The following RAB37 variants were observed in gnomAD, a reference collection of about 807,000 sequenced individuals.
The protein encoded by RAB37 is RAB37, member RAS oncogene family.
RAB37 carries 29 observed loss-of-function variants against 33.1 expected under a neutral mutation model. The ratio of observed to expected loss-of-function variants is 0.88; its 90% confidence interval spans 0.65 to 1.20. RAB37 has a LOEUF of 1.20. Among genes scored for constraint, RAB37 ranks in the 50% most tolerant of loss-of-function variants. The pLI, the probability that RAB37 is intolerant of heterozygous loss-of-function variation, is 0.00. For synonymous variants in RAB37, 128 were observed against 119.5 expected (o/e 1.07, Z -0.47); for missense variants, 299 against 301.1 (o/e 0.99, Z 0.05).
chr17:74,723,996 A>C (rs2034274975), intron 1 of RAB37, among the ~76,000 whole-genome samples: 1 of 152,232 alleles, frequency 6.6e-6, no homozygotes, highest in African/African-American at 2.4e-5. Flanking sequence ...GAGAAATTTA[A>C]GGAATTTTCA....
chr17:74,698,848 T>C (rs140298716), intron 1 of RAB37, among the ~76,000 whole-genome samples: 102 of 152,320 alleles, frequency 6.7e-4, no homozygotes, highest in Non-Finnish European at 1.3e-3. Context: ...TCTGTACGTG[T>C]ACCCCTGAAG....
intron 1 of RAB37, among the ~76,000 whole-genome samples, chr17:74,717,865 C>T (rs899328745): frequency 6.6e-6 from 1 of 151,658 alleles, no homozygotes; most frequent in Admixed American, 6.6e-5. Context: ...AGCTGCCTTG[C>T]CCCTTCTACC....
intron 1 of RAB37, among the ~76,000 whole-genome samples, chr17:74,674,087 C>CT (rs1568051778): frequency 6.6e-6 from 1 of 151,954 alleles, no homozygotes; most frequent in Non-Finnish European, 1.5e-5. Context: ...AGGATAAATT[C>CT]TTTTTTTGAA....
chr17:74,695,508 G>A lies in RAB37; in HGVS notation c.72+23850G>A, dbSNP rs149021674. On this transcript the variant is annotated intron_variant, in intron 1 of 7. Transcript: ENST00000340415. Reference sequence around the variant, plus strand: ...CACTCAGCCTGTCTGGGACTCTGCTGCCCACGTGGGGACTGTGTTTGCCAG... The same window carrying A: ...CACTCAGCCTGTCTGGGACTCTGCTACCCACGTGGGGACTGTGTTTGCCAG... Among the ~76,000 whole-genome samples the A allele has an allele frequency of 4.5e-4, 69 of 152,296 alleles. No homozygotes were observed. In the East Asian group the frequency reaches 0.012, roughly 26 times the overall value.
intron 1 of RAB37, among the ~76,000 whole-genome samples, chr17:74,728,349 ATT>A (rs1313598658): frequency 1.4e-5 from 2 of 145,380 alleles, no homozygotes; most frequent in African/African-American, 2.6e-5. Flanking sequence ...TACTATGTGT[ATT>A]TGTGTTTGTG....
chr17:74,731,623 C>G (rs1221116978), intron 2 of RAB37, among the ~76,000 whole-genome samples: 1 of 152,150 alleles, frequency 6.6e-6, no homozygotes, highest in African/African-American at 2.4e-5. Flanking sequence ...TCCAGTCCAC[C>G]ACAGTTCAGG....
Position 74,742,355 on chromosome 17 carries a change from C to A in RAB37, c.246+60C>A. 1.4e-6 allele frequency: 2 copies of A among 1,416,566 alleles called. No homozygotes were observed. The highest frequency in any genetic ancestry group is 2.0e-6 in the Non-Finnish European group (2 of 1,013,510). 87.7% of individuals were successfully genotyped at this position (1,416,566 alleles called of 1,614,324 possible). ...GGAGGACCTGCCCTTCCTTCTCACC[C>A]TGAACCACAGGAGGCCTGCAGCCCT... On this transcript the variant is annotated intron_variant, in intron 3 of 8. Coordinates refer to ENST00000392613, the MANE Select transcript of RAB37 (RefSeq NM_001006638.3). The surrounding 1 kb of genome is among the most constrained non-coding windows in gnomAD (Gnocchi z 4.0).
At chr17:74,735,966 G>C (rs1332209813), upstream of RAB37, among the ~76,000 whole-genome samples, 2 of 152,186 alleles carry the variant, frequency 1.3e-5, no homozygotes, top group Non-Finnish European at 2.9e-5. Flanking sequence ...AGCACTTTGG[G>C]AGGCTGAGGT....
intron 1 of RAB37, among the ~76,000 whole-genome samples, chr17:74,705,779 G>C (rs957826503): frequency 1.3e-5 from 2 of 152,050 alleles, no homozygotes; most frequent in Non-Finnish European, 2.9e-5. Flanking sequence ...AGTTTTAGTA[G>C]AAACAGGATT....
At position 74,746,043 on chromosome 17, in the gene RAB37, CT is replaced by C. The variant is rs2034752173; in HGVS notation, c.*633del. 6.6e-6 allele frequency: 1 copy of C among 152,336 alleles called. No homozygotes were observed. 9.4% of individuals were successfully genotyped at this position (152,336 alleles called of 1,614,324 possible). ...TATCTCTGGCCTTACTAACACCCCC[CT>C]GGAGGCATGCCCCTTTTCTCCAGCA... On this transcript the variant is annotated 3_prime_UTR_variant, in exon 9 of 9. Transcript: ENST00000392613. The surrounding 1 kb of genome is among the most constrained non-coding windows in gnomAD (Gnocchi z 5.2).
Position 74,744,427 on chromosome 17 carries a change from C to A in RAB37, c.432+54C>A. ...AGCCCTGCACTTCCTCAGCCCTAGCCGGCCCCATAACCACCCAAGAACAGT... is the reference window on the plus strand; with the variant it reads ...AGCCCTGCACTTCCTCAGCCCTAGCAGGCCCCATAACCACCCAAGAACAGT... On this transcript the variant is annotated intron_variant, in intron 6 of 8. Coordinates refer to ENST00000392613, the MANE Select transcript of RAB37 (RefSeq NM_001006638.3). This position sits in a 1 kb window ranked among gnomAD's most constrained non-coding sequence, Gnocchi z 4.2. 1 of 1,563,520 alleles carries A rather than the reference C, an allele frequency of 6.4e-7. No homozygotes were observed. Among genetic ancestry groups the A allele is most frequent in the Non-Finnish European group, 8.8e-7 (1 of 1,134,166 alleles).
In RAB37 at chr17:74,729,386, G is replaced by T; in HGVS notation, c.183+20G>T. The T allele has an allele frequency of 6.4e-7, 1 of 1,572,636 alleles. No individual in the cohort carries two copies. The highest frequency in any genetic ancestry group is 8.8e-7 in the Non-Finnish European group (1 of 1,142,154). On this transcript the variant is annotated intron_variant, in intron 2 of 7. Transcript: ENST00000340415. This position sits in a 1 kb window ranked among gnomAD's most constrained non-coding sequence, Gnocchi z 4.2. ...TTCACGGTAAGCACTGGCCGGCACT[G>T]CCAGCTCTGGGCCTGGGCTCAGGAC...
chr17:74,724,778 G>A (rs1399758909), intron 1 of RAB37, among the ~76,000 whole-genome samples: 1 of 152,186 alleles, frequency 6.6e-6, no homozygotes, highest in Non-Finnish European at 1.5e-5. Flanking sequence ...TGACCAGTTA[G>A]GGTGGGGCAG....
In RAB37 at chr17:74,730,178, G is replaced by A. The variant is rs1198308616; in HGVS notation, c.183+812G>A. ...CCACTCCTCTCTCGGGCTGTGGCAGGAAGAGCAGGGCCTTCCCTTGGGACT... is the reference window on the plus strand; with the variant it reads ...CCACTCCTCTCTCGGGCTGTGGCAGAAAGAGCAGGGCCTTCCCTTGGGACT... On this transcript the variant is annotated intron_variant, in intron 2 of 7. Transcript: ENST00000340415. The surrounding 1 kb of genome is among the most constrained non-coding windows in gnomAD (Gnocchi z 4.4). Among the ~76,000 whole-genome samples, 1 of 152,174 alleles carries A rather than the reference G, an allele frequency of 6.6e-6. No individual in the cohort carries two copies. The highest frequency in any genetic ancestry group is 1.5e-5 in the Non-Finnish European group (1 of 68,026).
intron 1 of RAB37, chr17:74,695,878 G>A (rs1299909203): frequency 1.2e-6 from 2 of 1,608,680 alleles, no homozygotes; most frequent in African/African-American, 1.3e-5. Flanking sequence ...GGGAACACAG[G>A]CTGGGGAGTC....
Position 74,746,823 on chromosome 17 carries a change from C to T in RAB37, c.*1412C>T, listed in dbSNP as rs544786568. On this transcript the variant is annotated 3_prime_UTR_variant, in exon 9 of 9. Coordinates refer to ENST00000392613, the MANE Select transcript of RAB37 (RefSeq NM_001006638.3). This position sits in a 1 kb window ranked among gnomAD's most constrained non-coding sequence, Gnocchi z 5.2. Reference sequence around the variant, plus strand: ...GATACCAGGGCCTAAACTGCTTTACCTCCCCTCCTACTGAGTCAGGTTAGG... The same window carrying T: ...GATACCAGGGCCTAAACTGCTTTACTTCCCCTCCTACTGAGTCAGGTTAGG... 1 of 152,388 alleles carries T rather than the reference C, an allele frequency of 6.6e-6. No homozygotes were observed. Among genetic ancestry groups the T allele is most frequent in the South Asian group, 2.1e-4 (1 of 4,834 alleles). 9.4% of individuals were successfully genotyped at this position (152,388 alleles called of 1,614,324 possible). A position where few individuals can be genotyped will look rare whatever the true frequency, so the allele number is the denominator to read the frequency against.
intron 1 of RAB37, among the ~76,000 whole-genome samples, chr17:74,706,721 G>A (rs577489119): frequency 1.9e-4 from 29 of 152,254 alleles, no homozygotes; most frequent in African/African-American, 6.5e-4. Flanking sequence ...AACAACCAAC[G>A]GCGCGGACAG....
chr17:74,677,450 T>C (rs2143464108), intron 1 of RAB37: 1 of 152,322 alleles, frequency 6.6e-6, no homozygotes, highest in Admixed American at 6.5e-5. Flanking sequence ...AAATTTGTCC[T>C]CAAAAGAATC....
intron 1 of RAB37, among the ~76,000 whole-genome samples, chr17:74,714,657 T>C (rs12942311): frequency 0.19 from 29,465 of 151,876 alleles, 3,098 homozygotes; most frequent in East Asian, 0.34. Flanking sequence ...AGGACTATTA[T>C]CCCCTCGCTC....
Sources: gnomAD v4.1 joint callset for allele counts (sites outside exome capture counted in the v4.1 genomes callset) on GRCh38, gnomAD v4.1.1 for gene constraint, Gnocchi (gnomAD v3.1) non-coding constraint, MANE v1.5 for transcripts, NCBI Gene and HGNC (gene_info 2026-07-23, HGNC 2026-07-21) for gene names.